The following BICC1 variants were observed in gnomAD, a reference collection of about 807,000 sequenced individuals.
BICC1 encodes BicC family RNA binding protein 1.
A neutral mutation model predicts 111.0 loss-of-function variants in BICC1; 43 were observed. That is an observed-to-expected ratio of 0.39 (90% confidence interval 0.30 to 0.50). The LOEUF (loss-of-function observed/expected upper bound fraction) is 0.50. Among genes scored for constraint, BICC1 ranks in the 20% least tolerant of loss-of-function variants. The probability of loss-of-function intolerance (pLI) is 0.88; values close to 1 mark genes in which losing one functional copy is unlikely to be tolerated. For synonymous variants in BICC1, 467 were observed against 434.4 expected (o/e 1.07, Z -0.93); for missense variants, 1,091 against 1,203.2 (o/e 0.91, Z 1.38).
chr10:58,790,423 A>G (rs905237400), intron 8 of BICC1, among the ~76,000 whole-genome samples: 3 of 152,232 alleles, frequency 2.0e-5, no homozygotes, highest in African/African-American at 7.2e-5. Flanking sequence ...TAAGTCACAA[A>G]TTCGAGCGTC....
intron 1 of BICC1, among the ~76,000 whole-genome samples, chr10:58,618,729 G>A (rs1345505215): frequency 6.6e-6 from 1 of 152,188 alleles, no homozygotes; most frequent in African/African-American, 2.4e-5. Context: ...AAAGACATTA[G>A]CATTATAGGT....
At chr10:58,671,662 A>G (rs1175134285) in intron 2 of BICC1, among the ~76,000 whole-genome samples, 1 of 152,046 alleles carries the variant, frequency 6.6e-6, no homozygotes, top group Non-Finnish European at 1.5e-5. Context: ...ATTTCACATT[A>G]TCCTCCAGCC....
At chr10:58,527,042 C>A (rs1842562351) in intron 1 of BICC1, among the ~76,000 whole-genome samples, 1 of 152,222 alleles carries the variant, frequency 6.6e-6, no homozygotes, top group Non-Finnish European at 1.5e-5. Context: ...ACAGTACCAC[C>A]AACGGTTTAA....
At chr10:58,632,776 G>A (rs1341434123) in intron 2 of BICC1, among the ~76,000 whole-genome samples, 15 of 152,056 alleles carry the variant, frequency 9.9e-5, no homozygotes. Flanking sequence ...CTTTGCAAAG[G>A]CAGAATAAAG....
rs1469625727 is a variant in BICC1 at position 58,830,516 on chromosome 10, G to A, written c.*1625G>A. On this transcript the variant is annotated 3_prime_UTR_variant, in exon 21 of 21. Transcript: ENST00000373886. ...AATTGGGTACTTTTATACAAATATGGGATAAGAAATACTTGCCTGACACTT... is the reference window on the plus strand; with the variant it reads ...AATTGGGTACTTTTATACAAATATGAGATAAGAAATACTTGCCTGACACTT... 2.0e-5 allele frequency: 3 copies of A among 152,028 alleles called. No homozygotes were observed. Among genetic ancestry groups the A allele is most frequent in the Non-Finnish European group, 4.4e-5 (3 of 67,986 alleles). 9.4% of individuals were successfully genotyped at this position (152,028 alleles called of 1,614,324 possible). A position where few individuals can be genotyped will look rare whatever the true frequency, so the allele number is the denominator to read the frequency against.
intron 1 of BICC1, among the ~76,000 whole-genome samples, chr10:58,610,133 A>G (rs558720896): frequency 1.3e-5 from 2 of 152,346 alleles, no homozygotes; most frequent in East Asian, 3.9e-4. Flanking sequence ...AAAGAGTTCA[A>G]GTTAAAAGTT....
intron 2 of BICC1, among the ~76,000 whole-genome samples, chr10:58,652,041 A>G (rs1564532540): frequency 6.7e-6 from 1 of 149,056 alleles, no homozygotes; most frequent in Non-Finnish European, 1.5e-5. Flanking sequence ...TTTAAAGTTC[A>G]TATTTAATAG....
At chr10:58,774,071 G>A (rs1195596962) in intron 3 of BICC1, among the ~76,000 whole-genome samples, 4 of 152,102 alleles carry the variant, frequency 2.6e-5, no homozygotes, top group African/African-American at 9.7e-5. Context: ...TAAACATATG[G>A]CCTTCACTAA....
intron 2 of BICC1, among the ~76,000 whole-genome samples, chr10:58,646,945 TA>T: frequency 1.3e-5 from 2 of 152,192 alleles, no homozygotes; most frequent in Middle Eastern, 6.8e-3. Context: ...TGTTTTTAAG[TA>T]AAAATGGTAT....
At chr10:58,743,669 G>A (rs1285763350) in intron 3 of BICC1, among the ~76,000 whole-genome samples, 5 of 151,914 alleles carry the variant, frequency 3.3e-5, no homozygotes, top group East Asian at 3.9e-4. Flanking sequence ...TGTTTCCATG[G>A]TTACCTGCTA....
chr10:58,788,918 T>G (rs953079594), intron 6 of BICC1, among the ~76,000 whole-genome samples: 1 of 152,162 alleles, frequency 6.6e-6, no homozygotes, highest in Non-Finnish European at 1.5e-5. Flanking sequence ...AGACCCTGTC[T>G]GTCTCTACAA....
intron 1 of BICC1, among the ~76,000 whole-genome samples, chr10:58,611,144 A>G (rs1425938102): frequency 6.6e-6 from 1 of 152,260 alleles, no homozygotes. Flanking sequence ...GTGACAGACC[A>G]GTAATGGTGA....
At chr10:58,730,802 A>G (rs1841265871) in intron 3 of BICC1, among the ~76,000 whole-genome samples, 1 of 152,066 alleles carries the variant, frequency 6.6e-6, no homozygotes, top group South Asian at 2.1e-4. Context: ...AGCTGGGGCA[A>G]CAGGGATACT....
rs1248678444 is a variant in BICC1 at position 58,789,448 on chromosome 10, G to T, written c.787G>T (p.Ala263Ser). 3.7e-6 allele frequency: 6 copies of T among 1,611,156 alleles called. No individual in the cohort carries two copies. Among genetic ancestry groups the T allele is most frequent in the East Asian group, 2.2e-5 (1 of 44,846 alleles). Residue 263 changes from alanine (A) to serine (S), a missense_variant, in exon 7 of 21, where the codon GCT becomes TCT. Coordinates refer to ENST00000373886, the MANE Select transcript of BICC1 (RefSeq NM_001080512.3). ...IVRGSQNNTS[A>S]VKEGTAMLLE... ...ACGAGGGTCTCAGAATAACACTAGTGCTGTGAAGGTAAATTATTCAGATAA... is the reference window on the plus strand; with the variant it reads ...ACGAGGGTCTCAGAATAACACTAGTTCTGTGAAGGTAAATTATTCAGATAA...
At chr10:58,809,665 T>G (rs1380888010) in intron 17 of BICC1, among the ~76,000 whole-genome samples, 1 of 152,262 alleles carries the variant, frequency 6.6e-6, no homozygotes, top group Non-Finnish European at 1.5e-5. Context: ...GAAATATTTC[T>G]GCACACTCAA....
At chr10:58,642,995 C>T (rs893847195) in intron 2 of BICC1, among the ~76,000 whole-genome samples, 2 of 152,184 alleles carry the variant, frequency 1.3e-5, no homozygotes, top group African/African-American at 4.8e-5. Context: ...TGAGCCACTG[C>T]GTCTGGCCCT....
chr10:58,638,717 C>CA (rs1838023463), intron 2 of BICC1, among the ~76,000 whole-genome samples: 1 of 152,126 alleles, frequency 6.6e-6, no homozygotes, highest in African/African-American at 2.4e-5. Flanking sequence ...AAAAGAGCAC[C>CA]AATGAGGAGA....
intron 3 of BICC1, among the ~76,000 whole-genome samples, chr10:58,777,582 C>T (rs923991589): frequency 2.6e-5 from 4 of 152,182 alleles, no homozygotes; most frequent in African/African-American, 7.2e-5. Context: ...ATTACTGTAG[C>T]GATGAGGGCA....
chr10:58,670,226 T>C (rs1434312915), intron 2 of BICC1, among the ~76,000 whole-genome samples: 3 of 152,176 alleles, frequency 2.0e-5, no homozygotes, highest in African/African-American at 7.2e-5. Flanking sequence ...TGCGCAGAAA[T>C]ATCCCTACAC....
Sources: allele counts gnomAD v4.1 joint callset (sites outside exome capture counted in the v4.1 genomes callset), GRCh38; gene constraint gnomAD v4.1.1; transcripts MANE v1.5; gene names NCBI Gene and HGNC (gene_info 2026-07-23, HGNC 2026-07-21).